Variants in GRIN2A observed in about 807,000 individuals in gnomAD.
The protein encoded by GRIN2A is glutamate ionotropic receptor NMDA type subunit 2A.
GRIN2A carries 22 observed loss-of-function variants against 113.4 expected under a neutral mutation model. That is an observed-to-expected ratio of 0.19 (90% CI 0.14 to 0.28). GRIN2A has a LOEUF of 0.28. Among genes scored for constraint, GRIN2A ranks in the 10% least tolerant of loss-of-function variants. GRIN2A has a pLI of 1.00. For synonymous variants in GRIN2A, 827 were observed against 738.4 expected, an observed-to-expected ratio of 1.12 and a Z score of -1.94; for missense variants, 1,502 against 1,887.0, an observed-to-expected ratio of 0.80 and a Z score of 3.78.
intron 2 of GRIN2A, among the ~76,000 whole-genome samples, chr16:10,008,708 C>A (rs1412439869): frequency 1.3e-5 from 2 of 152,182 alleles, no homozygotes; most frequent in Non-Finnish European, 1.5e-5. Flanking sequence ...AGATTAGGAA[C>A]AAGCTAGGTG....
rs530630202 is a variant in GRIN2A, at chr16:9,799,259, T to G, written c.2169-795A>C. Among the ~76,000 whole-genome samples the G allele has an allele frequency of 7.7e-4, 118 of 152,310 alleles. 1 individual carries two copies. The highest frequency in any genetic ancestry group is 1.5e-3 in the Admixed American group (23 of 15,296). On this transcript the variant is annotated intron_variant, in intron 10 of 12. Transcript: ENST00000330684. Reference sequence around the variant, plus strand: ...GAAGTAGGGTGAACCCCTAATCCACTGTGGCTGCCGTCCTTATTAAAAGGA... The same window carrying G: ...GAAGTAGGGTGAACCCCTAATCCACGGTGGCTGCCGTCCTTATTAAAAGGA...
intron 2 of GRIN2A, among the ~76,000 whole-genome samples, chr16:9,973,066 G>T (rs2045705925): frequency 6.6e-6 from 1 of 152,210 alleles, no homozygotes; most frequent in Non-Finnish European, 1.5e-5. Flanking sequence ...AGATGAGCCA[G>T]TTTATCAATC....
At chr16:9,904,750 C>G (rs891964092) in intron 3 of GRIN2A, among the ~76,000 whole-genome samples, 1 of 152,270 alleles carries the variant, frequency 6.6e-6, no homozygotes, top group Admixed American at 6.5e-5. Context: ...AATTACCTCC[C>G]AAAGCCCCAC....
rs533482932 is a variant in GRIN2A at position 9,833,996 on chromosome 16, C to T, written c.1777+109G>A. The T allele has an allele frequency of 1.8e-4, 199 of 1,094,090 alleles. No individual in the cohort carries two copies. In the African/African-American group the frequency reaches 2.4e-3, roughly 13 times the overall value. 67.8% of individuals were successfully genotyped at this position (1,094,090 alleles called of 1,614,324 possible). A position where few individuals can be genotyped will look rare whatever the true frequency, so the allele number is the denominator to read the frequency against. On this transcript the variant is annotated intron_variant, in intron 8 of 12. Coordinates refer to ENST00000330684, the MANE Select transcript of GRIN2A (RefSeq NM_001134407.3). ...TCTCCCAAAGTGCTGGGATTACAGGCGTGAGCCACCATGCCTGGTCTAGAG... is the reference window on the plus strand; with the variant it reads ...TCTCCCAAAGTGCTGGGATTACAGGTGTGAGCCACCATGCCTGGTCTAGAG...
chr16:9,814,324 A>G (rs911776596), intron 10 of GRIN2A, among the ~76,000 whole-genome samples: 2 of 152,222 alleles, frequency 1.3e-5, no homozygotes, highest in Non-Finnish European at 1.5e-5. Context: ...ACTTAGCTGA[A>G]TAGCCTATTG....
At chr16:9,904,044 T>C (rs1371288976) in intron 3 of GRIN2A, among the ~76,000 whole-genome samples, 35 of 152,182 alleles carry the variant, frequency 2.3e-4, no homozygotes, top group Admixed American at 2.0e-3. Flanking sequence ...CAAACTGAAG[T>C]TCAGTTTTAA....
chr16:10,111,902 T>A, intron 2 of GRIN2A: 1 of 851,102 alleles, frequency 1.2e-6, no homozygotes, highest in Non-Finnish European at 2.0e-6. Flanking sequence ...CACACCACCC[T>A]CCTCAGTGAG....
At chr16:9,958,160 T>C (rs369489091) in intron 2 of GRIN2A, among the ~76,000 whole-genome samples, 2 of 152,188 alleles carry the variant, frequency 1.3e-5, no homozygotes, top group African/African-American at 4.8e-5. Context: ...ACTGTGAGGA[T>C]TAAAATTGGC....
At chr16:9,964,449 C>T (rs532032374) in intron 2 of GRIN2A, among the ~76,000 whole-genome samples, 2 of 152,280 alleles carry the variant, frequency 1.3e-5, no homozygotes, top group Admixed American at 1.3e-4. Context: ...GACAAATTAC[C>T]ATCAACTTGG....
chr16:10,139,382 G>A (rs1299636737), intron 2 of GRIN2A, among the ~76,000 whole-genome samples: 1 of 152,172 alleles, frequency 6.6e-6, no homozygotes, highest in African/African-American at 2.4e-5. Context: ...GGCAAGAGGG[G>A]CAGCTGAAAG....
chr16:9,973,557 TACAA>T (rs1268231817), intron 2 of GRIN2A, among the ~76,000 whole-genome samples: 4 of 152,082 alleles, frequency 2.6e-5, no homozygotes, highest in African/African-American at 9.7e-5. Context: ...GACATAAACT[TACAA>T]ATTCAAGAAA....
chr16:9,929,545 A>C (rs1430402737), intron 3 of GRIN2A, among the ~76,000 whole-genome samples: 2 of 152,034 alleles, frequency 1.3e-5, no homozygotes, highest in Non-Finnish European at 2.9e-5. Context: ...GCAAGTCACC[A>C]CTTCCTCTTT....
intron 4 of GRIN2A, among the ~76,000 whole-genome samples, chr16:9,876,483 C>T (rs112084848): frequency 8.5e-5 from 13 of 152,270 alleles, no homozygotes; most frequent in African/African-American, 3.1e-4. Flanking sequence ...TTTGCAGCCT[C>T]CATACACTAG....
intron 11 of GRIN2A, among the ~76,000 whole-genome samples, chr16:9,786,117 C>T (rs190205363): frequency 2.0e-5 from 3 of 152,306 alleles, no homozygotes; most frequent in African/African-American, 7.2e-5. Flanking sequence ...TTGATTAAAA[C>T]ACGTTTAGCA....
At chr16:9,852,101 T>C (rs2042893736) in intron 4 of GRIN2A, among the ~76,000 whole-genome samples, 1 of 152,218 alleles carries the variant, frequency 6.6e-6, no homozygotes, top group Non-Finnish European at 1.5e-5. Flanking sequence ...CCACTTAGTT[T>C]AATTCCTACA....
At chr16:10,058,406 G>T (rs772069230) in intron 2 of GRIN2A, among the ~76,000 whole-genome samples, 1 of 151,986 alleles carries the variant, frequency 6.6e-6, no homozygotes, top group Admixed American at 6.5e-5. Flanking sequence ...TGTTTATGTC[G>T]GTATTAACAT....
intron 3 of GRIN2A, among the ~76,000 whole-genome samples, chr16:9,918,268 G>A (rs1336952634): frequency 1.3e-5 from 2 of 152,188 alleles, no homozygotes; most frequent in African/African-American, 4.8e-5. Context: ...CCTATCCACA[G>A]GGAATATGTT....
rs1900464226 is a variant in GRIN2A at position 9,758,865 on chromosome 16, G to A, written c.*4284C>T. 1 of 217,802 alleles carries A rather than the reference G, an allele frequency of 4.6e-6. No homozygotes were observed. Among genetic ancestry groups the A allele is most frequent in the South Asian group, 1.9e-4 (1 of 5,402 alleles). 13.5% of individuals were successfully genotyped at this position (217,802 alleles called of 1,614,324 possible). On this transcript the variant is annotated 3_prime_UTR_variant, in exon 13 of 13. Coordinates refer to ENST00000330684, the MANE Select transcript of GRIN2A (RefSeq NM_001134407.3). Reference sequence around the variant, plus strand: ...GGGGTATCTGGAAAGGTCTAATTTTGTCTCCAGTGAAAATAAACAGTACTT... The same window carrying A: ...GGGGTATCTGGAAAGGTCTAATTTTATCTCCAGTGAAAATAAACAGTACTT...
intron 2 of GRIN2A, among the ~76,000 whole-genome samples, chr16:9,943,517 A>G (rs1489651543): frequency 6.6e-6 from 1 of 152,184 alleles, no homozygotes; most frequent in East Asian, 1.9e-4. Context: ...GGTGTTTCCT[A>G]GAGCATAATA....
Sources: allele counts gnomAD v4.1 joint callset (sites outside exome capture counted in the v4.1 genomes callset), GRCh38; gene constraint gnomAD v4.1.1; transcripts MANE v1.5; gene names NCBI Gene and HGNC (gene_info 2026-07-23, HGNC 2026-07-21).